Variants in CNTNAP3 observed in about 807,000 individuals in gnomAD.
The protein encoded by CNTNAP3 is contactin associated protein family member 3.
Under a neutral mutation model 92.1 loss-of-function variants are expected in CNTNAP3, and 36 were observed. The ratio of observed to expected loss-of-function variants is 0.39; its 90% CI spans 0.30 to 0.52. The LOEUF is 0.52. Among genes scored for constraint, CNTNAP3 ranks in the 20% least tolerant of loss-of-function variants. The probability of loss-of-function intolerance (pLI) is 0.76; values close to 1 mark genes in which losing one functional copy is unlikely to be tolerated. For synonymous variants in CNTNAP3, 232 were observed against 422.3 expected (o/e 0.55, Z 5.53); for missense variants, 534 against 1,069.6 (o/e 0.50, Z 6.98).
At chr9:39,113,096 A>G (rs1820751150) in intron 14 of CNTNAP3, among the ~76,000 whole-genome samples, 1 of 152,128 alleles carries the variant, frequency 6.6e-6, no homozygotes, top group South Asian at 2.1e-4. Context: ...TGTGCACTGT[A>G]GGATGCTTAG....
chr9:39,100,510 C>A lies in CNTNAP3; in HGVS notation c.2756-360G>T, dbSNP rs371249562. On this transcript the variant is annotated intron_variant, in intron 17 of 23. Coordinates refer to ENST00000297668, the MANE Select transcript of CNTNAP3 (RefSeq NM_033655.5). Reference sequence around the variant, plus strand: ...TTGTTTAGGAATAAGAATGTGTATTCATCAAACATTATTTTAATTTCTTTA... The same window carrying A: ...TTGTTTAGGAATAAGAATGTGTATTAATCAAACATTATTTTAATTTCTTTA... 3.4e-4 allele frequency among the ~76,000 whole-genome samples: 52 copies of A among 152,064 alleles called. 1 individual carries two copies. In the South Asian group the frequency reaches 0.011, roughly 31 times the overall value.
intron 21 of CNTNAP3, among the ~76,000 whole-genome samples, chr9:39,082,223 A>T (rs1825961459): frequency 6.6e-6 from 1 of 152,018 alleles, no homozygotes; most frequent in South Asian, 2.1e-4. Context: ...ACCACATAGG[A>T]CAGCACAGAC....
rs899672198 is a variant in CNTNAP3, at chr9:39,068,277, A to T, written c.*5613T>A. On this transcript the variant is annotated 3_prime_UTR_variant, in exon 24 of 24. Transcript: ENST00000297668. ...AAAAAAAAAAAAAAATTAGCTGGGCATGTTGGCTTGTGCCTGTAGTCCCAG... is the reference window on the plus strand; with the variant it reads ...AAAAAAAAAAAAAAATTAGCTGGGCTTGTTGGCTTGTGCCTGTAGTCCCAG... 2.2e-3 allele frequency among the ~76,000 whole-genome samples: 323 copies of T among 148,668 alleles called. No homozygotes were observed. Among genetic ancestry groups the T allele is most frequent in the African/African-American group, 7.8e-3 (310 of 39,658 alleles).
chr9:39,084,129 G>T (rs200544806), intron 21 of CNTNAP3, among the ~76,000 whole-genome samples: 1 of 151,146 alleles, frequency 6.6e-6, no homozygotes, highest in East Asian at 1.9e-4. Context: ...GGGTGGGTAG[G>T]TATAGTGTTT....
At chr9:39,098,010 G>A (rs1025388480) in intron 18 of CNTNAP3, among the ~76,000 whole-genome samples, 2 of 150,234 alleles carry the variant, frequency 1.3e-5, no homozygotes, top group South Asian at 2.1e-4. Context: ...TTTAAAAATC[G>A]ATTTGCTTTG....
At chr9:39,130,350 T>C (rs1305769380) in intron 13 of CNTNAP3, among the ~76,000 whole-genome samples, 3 of 151,962 alleles carry the variant, frequency 2.0e-5, no homozygotes, top group Non-Finnish European at 4.4e-5. Flanking sequence ...CAAATGAATC[T>C]AGAGAGGATT....
chr9:39,096,908 A>G (rs1235652962), intron 18 of CNTNAP3, among the ~76,000 whole-genome samples: 2 of 149,158 alleles, frequency 1.3e-5, no homozygotes, highest in South Asian at 2.2e-4. Flanking sequence ...TCTTAGATTA[A>G]TGATTTTTAT....
chr9:39,129,884 A>C (rs1821235249), intron 13 of CNTNAP3, among the ~76,000 whole-genome samples: 1 of 152,178 alleles, frequency 6.6e-6, no homozygotes, highest in East Asian at 1.9e-4. Flanking sequence ...ATGGCAAATA[A>C]GCATATAAAA....
intron 20 of CNTNAP3, chr9:39,086,138 T>C (rs1269505431): frequency 4.5e-6 from 2 of 449,148 alleles, no homozygotes; most frequent in South Asian, 2.3e-5. Context: ...AACTTAAATA[T>C]GTACTCATTC....
chr9:39,136,804 G>A (rs1365353291), intron 12 of CNTNAP3, among the ~76,000 whole-genome samples: 3 of 152,088 alleles, frequency 2.0e-5, no homozygotes, highest in Admixed American at 6.5e-5. Flanking sequence ...AGGAGGCTGA[G>A]GCAGGAGAAT....
intron 11 of CNTNAP3, among the ~76,000 whole-genome samples, chr9:39,141,006 C>T (rs1168722674): frequency 6.6e-6 from 1 of 152,148 alleles, no homozygotes; most frequent in Non-Finnish European, 1.5e-5. Context: ...AATAGACAAT[C>T]TTTTGGCAAT....
chr9:39,255,495 A>C (rs1474912683), intron 2 of CNTNAP3, among the ~76,000 whole-genome samples: 2 of 25,996 alleles, frequency 7.7e-5, no homozygotes, highest in African/African-American at 1.5e-4. Flanking sequence ...AAAAACCAAA[A>C]CAAAACAAAA....
intron 15 of CNTNAP3, chr9:39,106,539 G>C (rs58712850): frequency 1.3e-5 from 2 of 152,084 alleles, no homozygotes; most frequent in Admixed American, 1.3e-4. Flanking sequence ...TCCCATCTCA[G>C]TCTCCCAAAA....
rs1225920914 is a variant in CNTNAP3 at position 39,217,400 on chromosome 9, A to T, written c.390+21593T>A. On this transcript the variant is annotated intron_variant, in intron 3 of 23. Transcript: ENST00000297668. ...TATATATATATATATATATATATAT[A>T]TTCATTGTGGGAATTTCAAATGGGA... is the stretch of plus-strand genomic sequence containing the variant. Among the ~76,000 whole-genome samples the T allele has an allele frequency of 5.5e-4, 11 of 19,936 alleles. 1 individual carries two copies. Among genetic ancestry groups the T allele is most frequent in the African/African-American group, 9.0e-4 (11 of 12,244 alleles). 13.1% of individuals were successfully genotyped at this position (19,936 alleles called of 152,430 possible). A position where few individuals can be genotyped will look rare whatever the true frequency, so the allele number is the denominator to read the frequency against.
chr9:39,129,790 A>C (rs1475579634), intron 13 of CNTNAP3, among the ~76,000 whole-genome samples: 1 of 152,162 alleles, frequency 6.6e-6, no homozygotes, highest in Non-Finnish European at 1.5e-5. Context: ...ACAGTAACAA[A>C]ACAAATCCAA....
chr9:39,152,734 C>T (rs1821869071), intron 9 of CNTNAP3, among the ~76,000 whole-genome samples: 1 of 142,432 alleles, frequency 7.0e-6, no homozygotes, highest in African/African-American at 2.7e-5. Context: ...CTGCTCACTG[C>T]AAGCTCCACC....
intron 12 of CNTNAP3, among the ~76,000 whole-genome samples, chr9:39,135,539 G>A (rs7041956): frequency 1.3e-5 from 2 of 151,964 alleles, no homozygotes; most frequent in Non-Finnish European, 2.9e-5. Flanking sequence ...ATAAATATCC[G>A]ACTTTGAAAA....
intron 21 of CNTNAP3, among the ~76,000 whole-genome samples, chr9:39,083,273 C>A (rs897781166): frequency 6.6e-6 from 1 of 152,092 alleles, no homozygotes; most frequent in South Asian, 2.1e-4. Context: ...CAACTGTTTA[C>A]AGGCTAATTT....
At chr9:39,144,197 C>T in intron 11 of CNTNAP3, 43 bp downstream of exon 11, 2 of 1,523,186 alleles carry the variant, frequency 1.3e-6, no homozygotes, top group Non-Finnish European at 1.8e-6. Context: ...AATGAAATGA[C>T]AAAGAGATGC....
Sources: gnomAD v4.1 joint callset for allele counts (sites outside exome capture counted in the v4.1 genomes callset) on GRCh38, gnomAD v4.1.1 for gene constraint, MANE v1.5 for transcripts, NCBI Gene and HGNC (gene_info 2026-07-23, HGNC 2026-07-21) for gene names.